Variants in RASA1 observed in about 807,000 individuals in gnomAD.
The protein encoded by RASA1 is ras GTPase-activating protein 1.
In RASA1, 25 loss-of-function variants were observed where a neutral mutation model predicts 132.2. The observed-to-expected ratio is 0.19, with a 90% confidence interval of 0.14 to 0.26. RASA1 has a LOEUF of 0.26. RASA1 is among the 10% of genes least tolerant of loss of function. The pLI is 1.00. For missense variants in RASA1, 964 were observed against 1,299.2 expected (o/e 0.74, Z 3.97); for synonymous variants, 477 against 449.9 (o/e 1.06, Z -0.76).
At chr5:87,314,146 C>T (rs947846023) in intron 1 of RASA1, among the ~76,000 whole-genome samples, 3 of 151,960 alleles carry the variant, frequency 2.0e-5, no homozygotes, top group Non-Finnish European at 4.4e-5. Flanking sequence ...GCACTCCAGC[C>T]TGGGCAACAA....
In RASA1 at chr5:87,389,553, CAAT is replaced by C. The variant is rs559746791; in HGVS notation, c.3060+27_3060+29del. On this transcript the variant is annotated intron_variant, in intron 24 of 24. Coordinates refer to ENST00000274376, the MANE Select transcript of RASA1 (RefSeq NM_002890.3). ...GTAGGCTTTCGCCAGCCTTCATTAA[CAAT>C]GATGTTTCAAAGATAACACTTAGAG... The C allele has an allele frequency of 1.6e-4, 261 of 1,611,218 alleles. 2 individuals are homozygous for C. The South Asian group carries it at 2.7e-3, about 17-fold the overall frequency.
At chr5:87,294,766 A>G (rs1755048210) in intron 1 of RASA1, among the ~76,000 whole-genome samples, 1 of 152,170 alleles carries the variant, frequency 6.6e-6, no homozygotes, top group African/African-American at 2.4e-5. Flanking sequence ...ATTACCCAGA[A>G]TGTGGTCTAT....
intron 1 of RASA1, chr5:87,331,003 C>A: frequency 1.4e-6 from 2 of 1,395,404 alleles, no homozygotes; most frequent in Non-Finnish European, 1.9e-6. Context: ...TAATCATTTC[C>A]ATTTGTCTAT....
At chr5:87,355,051 C>G (rs1334816309) in intron 9 of RASA1, among the ~76,000 whole-genome samples, 4 of 152,114 alleles carry the variant, frequency 2.6e-5, no homozygotes, top group Non-Finnish European at 5.9e-5. Flanking sequence ...GATGCTATCT[C>G]CATAACATAA....
intron 8 of RASA1, among the ~76,000 whole-genome samples, chr5:87,349,613 G>A (rs1472784638): frequency 1.3e-5 from 2 of 151,778 alleles, no homozygotes; most frequent in Non-Finnish European, 2.9e-5. Flanking sequence ...GACATAAGCT[G>A]TTTGCAACAA....
chr5:87,352,202 C>T (rs981003800), intron 8 of RASA1, among the ~76,000 whole-genome samples: 6 of 151,648 alleles, frequency 4.0e-5, no homozygotes, highest in African/African-American at 1.5e-4. Flanking sequence ...CATTCATACA[C>T]TACTAGTTAA....
chr5:87,279,828 C>T (rs1246595014), intron 1 of RASA1, among the ~76,000 whole-genome samples: 2 of 152,158 alleles, frequency 1.3e-5, no homozygotes, highest in East Asian at 1.9e-4. Flanking sequence ...AGAATTGGCT[C>T]ATGCCATTAC....
chr5:87,390,697 T>C (rs1762448865), intron 24 of RASA1, 103 bp from the exon 25 acceptor site: 1 of 860,932 alleles, frequency 1.2e-6, no homozygotes, highest in African/African-American at 1.7e-5. Flanking sequence ...TAATATTTTA[T>C]GCATCCTTTT....
In RASA1 at chr5:87,353,341, A is replaced by C. The variant is rs1159962845; in HGVS notation, c.1332+106A>C. 5 of 894,158 alleles carry C rather than the reference A, an allele frequency of 5.6e-6. No individual in the cohort carries two copies. In the Admixed American group the frequency reaches 6.3e-5, roughly 11 times the overall value. The allele number at this position is 894,158 out of a possible 1,614,324, so 55.4% of individuals were successfully genotyped here. Reference sequence around the variant, plus strand: ...TACAATTCAAATTGGATACAACTTAAAACTACAGATTATTTAGATTTTTTT... The same window carrying C: ...TACAATTCAAATTGGATACAACTTACAACTACAGATTATTTAGATTTTTTT... On this transcript the variant is annotated intron_variant, in intron 9 of 24. Coordinates refer to ENST00000274376, the MANE Select transcript of RASA1 (RefSeq NM_002890.3).
rs143434961 is a variant in RASA1, at chr5:87,310,605, A to C, written c.540-20743A>C. 1.3e-4 allele frequency among the ~76,000 whole-genome samples: 20 copies of C among 152,272 alleles called. No individual in the cohort carries two copies. The East Asian group carries it at 1.9e-3, about 15-fold the overall frequency. On this transcript the variant is annotated intron_variant, in intron 1 of 24. Transcript: ENST00000274376. ...TTTTCATGTAAGCGCTGACAGACTT[A>C]GTTAAGATTGTTCAAGAAAGTGGTT...
At chr5:87,384,808 TTTTCTCC>T (rs1384423257) in intron 21 of RASA1, among the ~76,000 whole-genome samples, 1 of 152,158 alleles carries the variant, frequency 6.6e-6, no homozygotes, top group Non-Finnish European at 1.5e-5. Context: ...AATTTCATGT[TTTTCTCC>T]TCAAAATAAA....
intron 1 of RASA1, among the ~76,000 whole-genome samples, chr5:87,273,777 A>G (rs1753951968): frequency 6.7e-6 from 1 of 149,034 alleles, no homozygotes; most frequent in African/African-American, 2.5e-5. Flanking sequence ...GGCTCACTGC[A>G]ACCTCCGCCT....
intron 10 of RASA1, 146 bp from the exon 11 acceptor site, chr5:87,363,202 A>G: frequency 1.3e-6 from 1 of 755,886 alleles, no homozygotes; most frequent in South Asian, 1.8e-5. Flanking sequence ...TGTTATAGGC[A>G]TTTTCTCATT....
intron 9 of RASA1, among the ~76,000 whole-genome samples, chr5:87,362,277 A>G (rs748768071): frequency 6.6e-6 from 1 of 152,198 alleles, no homozygotes; most frequent in Non-Finnish European, 1.5e-5. Flanking sequence ...GTATTCGAAA[A>G]TAGCTTATTA....
chr5:87,316,609 G>A (rs889529731), intron 1 of RASA1, among the ~76,000 whole-genome samples: 2 of 152,106 alleles, frequency 1.3e-5, no homozygotes, highest in African/African-American at 4.8e-5. Context: ...TGAGGATTGA[G>A]AACATGGAGA....
At chr5:87,372,092 C>A in intron 12 of RASA1, 26 bp from the exon 13 acceptor site, 1 of 1,603,156 alleles carries the variant, frequency 6.2e-7, no homozygotes, top group Non-Finnish European at 8.5e-7. Flanking sequence ...GTGTATATTT[C>A]TTTGAAGTGC....
intron 11 of RASA1, 76 bp downstream of exon 11, chr5:87,363,580 T>G: frequency 6.7e-7 from 1 of 1,496,162 alleles, no homozygotes. Flanking sequence ...AAACCAATTT[T>G]GAGAGCCCTA....
At chr5:87,378,578 CAT>C (rs1761477682) in intron 18 of RASA1, 40 bp downstream of exon 18, 12 of 1,548,178 alleles carry the variant, frequency 7.8e-6, no homozygotes, top group Middle Eastern at 1.7e-4. Flanking sequence ...TTGCAAAGAA[CAT>C]ATTTTAATAG....
intron 1 of RASA1, among the ~76,000 whole-genome samples, chr5:87,288,727 G>T (rs1754788205): frequency 1.3e-5 from 2 of 152,146 alleles, no homozygotes; most frequent in South Asian, 4.2e-4. Context: ...CAGATTGCAT[G>T]TTCAACTTTA....
Sources: allele counts gnomAD v4.1 joint callset (sites outside exome capture counted in the v4.1 genomes callset), GRCh38; gene constraint gnomAD v4.1.1; transcripts MANE v1.5; gene names NCBI Gene and HGNC (gene_info 2026-07-23, HGNC 2026-07-21).